The following ZNF131 variants were observed in gnomAD, a reference collection of about 807,000 sequenced individuals.
ZNF131 encodes zinc finger and BTB domain containing 35, also known as zinc finger protein 131.
Under a neutral mutation model 60.0 loss-of-function variants are expected in ZNF131, and 7 were observed. That is an observed-to-expected ratio of 0.12 (90% confidence interval 0.07 to 0.22). The LOEUF is 0.22. ZNF131 is among the 10% of genes least tolerant of loss of function. The pLI is 1.00. For missense variants in ZNF131, 493 were observed against 740.9 expected (o/e 0.67, Z 3.88); for synonymous variants, 257 against 253.2 (o/e 1.01, Z -0.14).
intron 5 of ZNF131, among the ~76,000 whole-genome samples, chr5:43,166,049 C>A (rs1750304889): frequency 6.6e-6 from 1 of 152,240 alleles, no homozygotes; most frequent in Admixed American, 6.5e-5. Context: ...TTACCTCTCT[C>A]AACCTTCATA....
intron 3 of ZNF131, among the ~76,000 whole-genome samples, chr5:43,126,232 G>C (rs1313933265): frequency 6.6e-6 from 1 of 152,142 alleles, no homozygotes; most frequent in Non-Finnish European, 1.5e-5. Flanking sequence ...TGAATATTTT[G>C]TTACAAAACT....
intron 1 of ZNF131, chr5:43,121,612 G>C (rs1743819076): frequency 6.5e-6 from 1 of 154,392 alleles, no homozygotes; most frequent in Non-Finnish European, 1.4e-5. Context: ...AGGGAGGGCG[G>C]GGGAGGGAGA....
At position 43,122,070 on chromosome 5, in the gene ZNF131, C is replaced by G. The variant is rs756791883; in HGVS notation, c.17C>G (p.Thr6Arg). 6.2e-7 allele frequency: 1 copy of G among 1,613,930 alleles called. No homozygotes were observed. Among genetic ancestry groups the G allele is most frequent in the Non-Finnish European group, 8.5e-7 (1 of 1,179,966 alleles). The change falls in exon 2 of 7, where the codon ACG (threonine) becomes AGG (arginine). Residue 6 changes from threonine (T) to arginine (R), a missense_variant. Thr to Arg is a moderately conservative substitution (Grantham distance 71). Transcript: ENST00000682664. The part of the protein sequence containing the change: MEAEE[T>R]MECLQEFPEH... ...CCGACGGCCATGGAGGCTGAAGAGA[C>G]GATGGAATGCCTTCAGGAGTTCCCT... is the stretch of plus-strand genomic sequence containing the variant.
intron 3 of ZNF131, among the ~76,000 whole-genome samples, chr5:43,131,213 C>A (rs1561392855): frequency 6.6e-6 from 1 of 151,224 alleles, no homozygotes; most frequent in Non-Finnish European, 1.5e-5. Context: ...TTGCTCGTTG[C>A]CCAAGCTGGA....
At chr5:43,134,627 T>G (rs1745791588) in intron 3 of ZNF131, among the ~76,000 whole-genome samples, 1 of 150,064 alleles carries the variant, frequency 6.7e-6, no homozygotes, top group Non-Finnish European at 1.5e-5. Flanking sequence ...CTACTAGAAC[T>G]AATAAATTTA....
intron 3 of ZNF131, among the ~76,000 whole-genome samples, chr5:43,138,545 G>A (rs506244): frequency 0.067 from 10,201 of 152,140 alleles, 409 homozygotes; most frequent in South Asian, 0.13. Flanking sequence ...CCAGCAGCTC[G>A]GGAGGTTGAG....
chr5:43,124,019 G>A (rs1170647045), intron 3 of ZNF131: 1 of 152,342 alleles, frequency 6.6e-6, no homozygotes, highest in Non-Finnish European at 1.5e-5. Flanking sequence ...AGCTACTCGG[G>A]AGGCTGAGGC....
chr5:43,143,402 T>A (rs947909016), intron 4 of ZNF131: 21 of 1,407,680 alleles, frequency 1.5e-5, no homozygotes, highest in Non-Finnish European at 1.8e-5. Context: ...CTGCACATAG[T>A]CCTCAAAAGC....
rs557700906 is a variant in ZNF131, at chr5:43,150,820, A to G, written c.372-10429A>G. On this transcript the variant is annotated intron_variant, in intron 4 of 6. Transcript: ENST00000682664. ...ACAGGGACCAGGACCTAATCCATTC[A>G]GTTTTTCTCCTACTGGATTTATTTA... Among the ~76,000 whole-genome samples the G allele has an allele frequency of 7.2e-5, 11 of 152,280 alleles. No individual in the cohort carries two copies. The East Asian group carries it at 9.6e-4, about 13-fold the overall frequency.
intron 3 of ZNF131, chr5:43,123,752 A>T (rs753507919): frequency 1.3e-5 from 2 of 153,090 alleles, no homozygotes; most frequent in African/African-American, 4.8e-5. Flanking sequence ...GATGACATGC[A>T]GTGTGAAGTG....
At position 43,175,555 on chromosome 5, in the gene ZNF131, T is replaced by C. The variant is rs1751487080; in HGVS notation, c.*422T>C. 1 of 666,768 alleles carries C rather than the reference T, an allele frequency of 1.5e-6. No individual in the cohort carries two copies. The highest frequency in any genetic ancestry group is 1.8e-5 in the African/African-American group (1 of 55,214). 41.3% of individuals were successfully genotyped at this position (666,768 alleles called of 1,614,324 possible). On this transcript the variant is annotated 3_prime_UTR_variant, in exon 7 of 7. Coordinates refer to ENST00000682664, the MANE Select transcript of ZNF131 (RefSeq NM_001330707.2). ...TAATGCATGTTAGAAAATTGAATAA[T>C]ATAGGAAACACAAGGCTGCATGATG...
intron 4 of ZNF131, among the ~76,000 whole-genome samples, chr5:43,145,834 G>C (rs958397061): frequency 2.6e-5 from 4 of 152,108 alleles, no homozygotes; most frequent in Admixed American, 1.3e-4. Flanking sequence ...AGTTTCAACT[G>C]TTAATAAATT....
At chr5:43,166,019 G>C (rs1013308997) in intron 5 of ZNF131, among the ~76,000 whole-genome samples, 1 of 152,146 alleles carries the variant, frequency 6.6e-6, no homozygotes, top group Non-Finnish European at 1.5e-5. Context: ...TCTAGCTTCT[G>C]CCCTTTCTTC....
intron 3 of ZNF131, among the ~76,000 whole-genome samples, chr5:43,134,886 T>G (rs1287180011): frequency 6.6e-6 from 1 of 151,180 alleles, no homozygotes; most frequent in African/African-American, 2.4e-5. Context: ...TTAGTAGAGA[T>G]GAGGTTTCAC....
chr5:43,141,845 A>G (rs563197885), intron 4 of ZNF131, among the ~76,000 whole-genome samples: 1 of 152,190 alleles, frequency 6.6e-6, no homozygotes, highest in East Asian at 1.9e-4. Flanking sequence ...AACATGTTGA[A>G]TTGTTTCTTG....
chr5:43,131,782 CAA>C (rs1420431628), intron 3 of ZNF131, among the ~76,000 whole-genome samples: 1 of 146,266 alleles, frequency 6.8e-6, no homozygotes, highest in African/African-American at 2.5e-5. Flanking sequence ...CAGAGAATAA[CAA>C]GGGTAGGCAT....
In ZNF131 at chr5:43,161,492, CTCTGATGAT is replaced by C. The variant is rs781008862; in HGVS notation, c.620_628del (p.Asp207_Ser209del). On this transcript the variant is annotated inframe_deletion, in exon 5 of 7. Transcript: ENST00000682664. ...TAAAGTACATACAGAGCACAGGTTC[CTCTGATGAT>C]TCTGCTCTAGCACTGTTGGCAGATA... 1 of 1,614,244 alleles carries C rather than the reference CTCTGATGAT, an allele frequency of 6.2e-7. No individual in the cohort carries two copies.
intron 4 of ZNF131, among the ~76,000 whole-genome samples, chr5:43,151,273 T>TAAATA (rs553209472): frequency 1.2e-4 from 18 of 152,196 alleles, no homozygotes; most frequent in Non-Finnish European, 2.5e-4. Flanking sequence ...GGGATGTGCA[T>TAAATA]AAATAAGTCA....
chr5:43,143,900 T>TTTTTTTTTTTG (rs1747197968), intron 4 of ZNF131, among the ~76,000 whole-genome samples: 1 of 31,524 alleles, frequency 3.2e-5, no homozygotes, highest in African/African-American at 1.4e-4. Context: ...TGTCAGAGCT[T>TTTTTTTTTTTG]TTTTTTTTTT....
Sources: allele counts gnomAD v4.1 joint callset (sites outside exome capture counted in the v4.1 genomes callset), GRCh38; gene constraint gnomAD v4.1.1; transcripts MANE v1.5; gene names NCBI Gene and HGNC (gene_info 2026-07-23, HGNC 2026-07-21).